CFTR: variants seen among roughly 807,000 people sequenced by gnomAD.
CFTR encodes cystic fibrosis transmembrane conductance regulator.
In CFTR, 181 loss-of-function variants were observed where a neutral mutation model predicts 171.6. That is an observed-to-expected ratio of 1.05 (90% CI 0.93 to 1.19). The LOEUF is 1.19. CFTR is among the 50% of genes most tolerant of loss of function. The pLI, the probability that CFTR is intolerant of heterozygous loss-of-function variation, is 0.00. For missense variants in CFTR, 1,968 were observed against 1,734.7 expected (o/e 1.13, Z -2.39); for synonymous variants, 583 against 608.0 (o/e 0.96, Z 0.60).
chr7:117,609,565 T>A (rs775938757), intron 18 of CFTR, among the ~76,000 whole-genome samples: 4 of 152,156 alleles, frequency 2.6e-5, no homozygotes, highest in Non-Finnish European at 5.9e-5. Context: ...TGTAGAAATA[T>A]AGAAATTTAT....
At chr7:117,564,829 A>G (rs1297350167) in intron 11 of CFTR, 1 of 161,570 alleles carries the variant, frequency 6.2e-6, no homozygotes, top group Non-Finnish European at 1.5e-5. Flanking sequence ...CATGCACAAC[A>G]TATTTCACAT....
chr7:117,520,353 T>G (rs1190322979), intron 3 of CFTR, among the ~76,000 whole-genome samples: 1 of 151,760 alleles, frequency 6.6e-6, no homozygotes, highest in African/African-American at 2.4e-5. Context: ...TTTTCTGCTT[T>G]GACATTATTC....
chr7:117,509,044 A>G lies in CFTR; in HGVS notation c.175A>G (p.Arg59Gly). ...TTTATTCTTTTGCAGAGAATGGGAT[A>G]GAGAGCTGGCTTCAAAGAAAAATCC... The part of the protein sequence containing the change: ...LSEKLEREWD[R>G]ELASKKNPKL... The change falls in exon 3 of 27, where the codon AGA (arginine) becomes GGA (glycine). Residue 59 changes from arginine to glycine, a missense_variant. Transcript: ENST00000003084. 1 of 1,606,120 alleles carries G rather than the reference A, an allele frequency of 6.2e-7. No individual in the cohort carries two copies. Among genetic ancestry groups the G allele is most frequent in the Non-Finnish European group, 8.5e-7 (1 of 1,173,080 alleles).
chr7:117,657,656 T>C (rs1267309070), intron 24 of CFTR, among the ~76,000 whole-genome samples: 5 of 152,206 alleles, frequency 3.3e-5, no homozygotes, highest in African/African-American at 4.8e-5. Flanking sequence ...AGCAGGACTT[T>C]CCGGGGCAAA....
chr7:117,603,496 T>G, intron 16 of CFTR, 36 bp from the exon 17 acceptor site: 1 of 1,612,966 alleles, frequency 6.2e-7, no homozygotes, highest in Non-Finnish European at 8.5e-7. Flanking sequence ...TAAGTAACTT[T>G]GGCTGCCAAA....
intron 3 of CFTR, among the ~76,000 whole-genome samples, chr7:117,514,747 A>G (rs1798572776): frequency 6.6e-6 from 1 of 152,178 alleles, no homozygotes; most frequent in Non-Finnish European, 1.5e-5. Context: ...GTCTTCCACA[A>G]TGGTTGAACT....
intron 11 of CFTR, among the ~76,000 whole-genome samples, chr7:117,569,958 T>A (rs566792252): frequency 1.3e-5 from 2 of 151,770 alleles, no homozygotes; most frequent in East Asian, 3.9e-4. Context: ...TATAAATAGG[T>A]TAAAAAGTCA....
chr7:117,480,875 A>G (rs767976731), intron 1 of CFTR, among the ~76,000 whole-genome samples: 2 of 152,230 alleles, frequency 1.3e-5, no homozygotes, highest in African/African-American at 2.4e-5. Context: ...TTAAAATAGC[A>G]TCTAAGTTCG....
intron 1 of CFTR, among the ~76,000 whole-genome samples, chr7:117,497,507 C>G (rs2116626294): frequency 6.6e-6 from 1 of 152,250 alleles, no homozygotes. Context: ...GGAACTGTAG[C>G]TGAGAGATCT....
chr7:117,495,618 C>G (rs1798224668), intron 1 of CFTR, among the ~76,000 whole-genome samples: 2 of 152,110 alleles, frequency 1.3e-5, no homozygotes, highest in Admixed American at 6.6e-5. Context: ...GGACAGAAAA[C>G]AAACAATTTA....
At chr7:117,646,820 T>C (rs1010191071) in intron 23 of CFTR, among the ~76,000 whole-genome samples, 2 of 152,114 alleles carry the variant, frequency 1.3e-5, no homozygotes, top group Admixed American at 1.3e-4. Context: ...AATGCAATTT[T>C]ATTATTTCTG....
At chr7:117,610,292 C>T (rs1470823544) in intron 18 of CFTR, among the ~76,000 whole-genome samples, 5 of 147,332 alleles carry the variant, frequency 3.4e-5, no homozygotes, top group African/African-American at 7.5e-5. Context: ...TGCTAGATGA[C>T]GAGTTAGTGG....
chr7:117,623,230 T>G (rs1239577612), intron 21 of CFTR, among the ~76,000 whole-genome samples: 3 of 152,214 alleles, frequency 2.0e-5, no homozygotes, highest in Admixed American at 6.5e-5. Flanking sequence ...TCATTTTGGC[T>G]TCATCTTCTA....
chr7:117,603,860 C>A lies in CFTR; in HGVS notation c.2908+78C>A, dbSNP rs906558072. 7 of 1,521,730 alleles carry A rather than the reference C, an allele frequency of 4.6e-6. No homozygotes were observed. In the African/African-American group the frequency reaches 6.8e-5, roughly 15 times the overall value. The allele number at this position is 1,521,730 out of a possible 1,614,324, so 94.3% of individuals were successfully genotyped here. ...TGTGGTTTTGTTGGTTTTCTAATGG[C>A]AGTGCTGGCTTTTGCACAGAGGCAT... On this transcript the variant is annotated intron_variant, in intron 17 of 26. Coordinates refer to ENST00000003084, the MANE Select transcript of CFTR (RefSeq NM_000492.4).
At chr7:117,523,370 T>C (rs1456350825) in intron 3 of CFTR, among the ~76,000 whole-genome samples, 1 of 140,132 alleles carries the variant, frequency 7.1e-6, no homozygotes, top group African/African-American at 2.6e-5. Context: ...TTTTGTTTTG[T>C]TTTGTTTTTT....
intron 18 of CFTR, among the ~76,000 whole-genome samples, chr7:117,610,038 A>G (rs930204272): frequency 1.3e-5 from 2 of 151,890 alleles, no homozygotes; most frequent in African/African-American, 2.4e-5. Flanking sequence ...CATATACACC[A>G]TGGAACACTA....
intron 22 of CFTR, among the ~76,000 whole-genome samples, chr7:117,641,515 A>T (rs1792912153): frequency 6.6e-6 from 1 of 152,208 alleles, no homozygotes; most frequent in African/African-American, 2.4e-5. Flanking sequence ...ACTTAAAAAC[A>T]AATTATGTAA....
In CFTR at chr7:117,491,204, C is replaced by A. The variant is rs546628334; in HGVS notation, c.53+11057C>A. Among the ~76,000 whole-genome samples the A allele has an allele frequency of 2.0e-5, 3 of 152,118 alleles. No individual in the cohort carries two copies. The South Asian group carries it at 6.2e-4, about 32-fold the overall frequency. On this transcript the variant is annotated intron_variant, in intron 1 of 26. Coordinates refer to ENST00000003084, the MANE Select transcript of CFTR (RefSeq NM_000492.4). Reference sequence around the variant, plus strand: ...TTGCATATCGGAACATGTCTAAACACAGAAAAGGTGCACTAAAAATACTAT... The same window carrying A: ...TTGCATATCGGAACATGTCTAAACAAAGAAAAGGTGCACTAAAAATACTAT...
intron 24 of CFTR, among the ~76,000 whole-genome samples, chr7:117,659,153 C>T (rs1793225693): frequency 6.6e-6 from 1 of 152,144 alleles, no homozygotes; most frequent in Non-Finnish European, 1.5e-5. Flanking sequence ...GGGAAACTCC[C>T]CCAGCCCTTC....
Sources: gnomAD v4.1 joint callset for allele counts (sites outside exome capture counted in the v4.1 genomes callset) on GRCh38, gnomAD v4.1.1 for gene constraint, MANE v1.5 for transcripts, NCBI Gene and HGNC (gene_info 2026-07-23, HGNC 2026-07-21) for gene names.